The following WDR19 variants were observed in gnomAD, a reference collection of about 807,000 sequenced individuals.
The protein encoded by WDR19 is WD repeat-containing protein 19.
A neutral mutation model predicts 180.0 loss-of-function variants in WDR19; 121 were observed. That is an observed-to-expected ratio of 0.67 (90% CI 0.58 to 0.78). The LOEUF is 0.78. WDR19 is among the 30% of genes least tolerant of loss of function. The pLI, the probability that WDR19 is intolerant of heterozygous loss-of-function variation, is 0.00. For synonymous variants in WDR19, 497 were observed against 540.7 expected, an observed-to-expected ratio of 0.92 and a Z score of 1.12; for missense variants, 1,450 against 1,640.7, an observed-to-expected ratio of 0.88 and a Z score of 2.01.
chr4:39,265,770 CAA>C (rs11326526), intron 28 of WDR19, among the ~76,000 whole-genome samples: 306 of 81,070 alleles, frequency 3.8e-3, no homozygotes, highest in African/African-American at 0.011. Context: ...GACTCTGTCT[CAA>C]AAAAAAAAAA....
At chr4:39,259,983 T>G (rs1734127781) in intron 28 of WDR19, among the ~76,000 whole-genome samples, 1 of 152,202 alleles carries the variant, frequency 6.6e-6, no homozygotes. Flanking sequence ...ACAAGGCTCA[T>G]GTATTACATT....
At chr4:39,242,583 G>A (rs1390977131) in intron 21 of WDR19, among the ~76,000 whole-genome samples, 4 of 152,176 alleles carry the variant, frequency 2.6e-5, no homozygotes, top group African/African-American at 4.8e-5. Flanking sequence ...AGCACTTTGG[G>A]AGGCCAAGGT....
intron 17 of WDR19, among the ~76,000 whole-genome samples, chr4:39,229,269 G>A (rs1363699704): frequency 2.0e-5 from 3 of 152,126 alleles, no homozygotes; most frequent in Admixed American, 1.3e-4. Flanking sequence ...GTAAACATAT[G>A]AGTGCAGGTG....
rs917792061 is a variant in WDR19 at position 39,280,244 on chromosome 4, G to A, written c.*13+1581G>A. Reference sequence around the variant, plus strand: ...CCCAAAGTGCTGGGACTACAGGCATGAGCCACCATGCTCAGCCTTGGTAGC... The same window carrying A: ...CCCAAAGTGCTGGGACTACAGGCATAAGCCACCATGCTCAGCCTTGGTAGC... On this transcript the variant is annotated intron_variant, in intron 36 of 36. Coordinates refer to ENST00000399820, the MANE Select transcript of WDR19 (RefSeq NM_025132.4). 4.0e-5 allele frequency among the ~76,000 whole-genome samples: 6 copies of A among 149,968 alleles called. No individual in the cohort carries two copies. The Admixed American group carries it at 4.0e-4, about 10-fold the overall frequency.
intron 21 of WDR19, among the ~76,000 whole-genome samples, chr4:39,243,434 A>G (rs1304526662): frequency 2.0e-5 from 3 of 152,024 alleles, no homozygotes; most frequent in Non-Finnish European, 4.4e-5. Context: ...TTATTGGCCA[A>G]TTGTATTTTG....
In WDR19 at chr4:39,194,549, A is replaced by T; in HGVS notation, c.296A>T (p.Gln99Leu). Residue 99 changes from glutamine (Q) to leucine (L), a missense_variant, in exon 5 of 37, where the codon CAA becomes CTA. Transcript: ENST00000399820. ...TSQLDNGMRD[Q>L]MSFLLWSKVG... ...TTTATATCTTAATGTTACAGGGATC[A>T]AATGTCTTTCCTTCTTTGGTCAAAA... The T allele has an allele frequency of 6.2e-7, 1 of 1,608,106 alleles. No homozygotes were observed. Among genetic ancestry groups the T allele is most frequent in the Non-Finnish European group, 8.5e-7 (1 of 1,175,672 alleles).
chr4:39,284,330 A>ATT (rs1736913822), intron 36 of WDR19, among the ~76,000 whole-genome samples: 1 of 122,548 alleles, frequency 8.2e-6, no homozygotes, highest in Non-Finnish European at 1.7e-5. Flanking sequence ...AAGTAAAAAA[A>ATT]ATTTTTTTTT....
Position 39,253,906 on chromosome 4 carries a change from G to T in WDR19, c.2877G>T (p.Arg959Ser), listed in dbSNP as rs747806533. 1.3e-6 allele frequency: 2 copies of T among 1,593,870 alleles called. No individual in the cohort carries two copies. The highest frequency in any genetic ancestry group is 1.2e-5 in the South Asian group (1 of 86,748). Reference protein sequence around the residue: ...QSLDGAKMVARFFLQLGDYGS... With the variant: ...QSLDGAKMVASFFLQLGDYGS... ...AGCTAATTAAAGTACTTTGCTTTAG[G>T]TTTTTTCTACAGCTTGGTGACTATG... is the stretch of plus-strand genomic sequence containing the variant. The change falls in exon 26 of 37, where the codon AGG (arginine) becomes AGT (serine). Residue 959 changes from arginine to serine, a missense_variant and splice_region_variant. By Grantham distance (110) the Arg-to-Ser change is moderately radical. Transcript: ENST00000399820.
At chr4:39,187,206 G>T (rs1461904394) in intron 3 of WDR19, among the ~76,000 whole-genome samples, 1 of 152,082 alleles carries the variant, frequency 6.6e-6, no homozygotes, top group East Asian at 1.9e-4. Context: ...GGATCATGAG[G>T]TCAGGAGATG....
intron 3 of WDR19, among the ~76,000 whole-genome samples, chr4:39,188,916 AT>A (rs779658577): frequency 6.8e-6 from 1 of 147,434 alleles, no homozygotes; most frequent in Non-Finnish European, 1.5e-5. Context: ...CGCCCAGCTC[AT>A]TTTTTTTTCT....
At position 39,228,662 on chromosome 4, in the gene WDR19, A is replaced by G. The variant is rs779213986; in HGVS notation, c.1954A>G (p.Met652Val). 7 of 1,603,088 alleles carry G rather than the reference A, an allele frequency of 4.4e-6. No homozygotes were observed. Among genetic ancestry groups the G allele is most frequent in the African/African-American group, 1.3e-5 (1 of 74,628 alleles). ...TACGGGGCCTGACGAACTGAGACCA[A>G]TGCTGGCACAGAATTTAATGCTAAA... The part of the protein sequence containing the change: ...KDTGPDELRP[M>V]LAQNLMLKRF... Residue 652 changes from methionine to valine, a missense_variant, in exon 17 of 37, where the codon ATG becomes GTG. Coordinates refer to ENST00000399820, the MANE Select transcript of WDR19 (RefSeq NM_025132.4).
chr4:39,222,984 T>G (rs1275398748), intron 14 of WDR19, among the ~76,000 whole-genome samples: 1 of 152,210 alleles, frequency 6.6e-6, no homozygotes, highest in Non-Finnish European at 1.5e-5. Context: ...ATTTTGAGAT[T>G]GGCTTTTTTT....
intron 3 of WDR19, 117 bp downstream of exon 3, chr4:39,186,721 G>T: frequency 1.4e-6 from 1 of 695,612 alleles, no homozygotes; most frequent in South Asian, 2.4e-5. Context: ...ATTTGCAAAG[G>T]GATTTGTTTT....
intron 3 of WDR19, among the ~76,000 whole-genome samples, chr4:39,189,215 C>T (rs541355988): frequency 1.3e-5 from 2 of 152,256 alleles, no homozygotes; most frequent in Admixed American, 6.5e-5. Context: ...TAAGCCACTG[C>T]GCCCAGCCAC....
At chr4:39,277,939 A>G (rs1470649127) in intron 34 of WDR19, among the ~76,000 whole-genome samples, 192 bp from the exon 35 acceptor site, 1 of 152,078 alleles carries the variant, frequency 6.6e-6, no homozygotes, top group East Asian at 1.9e-4. Context: ...CTGTAGTCCC[A>G]GGTGCTCAGG....
At position 39,276,913 on chromosome 4, in the gene WDR19, G is replaced by A; in HGVS notation, c.3717-107G>A. 3.6e-6 allele frequency: 5 copies of A among 1,375,254 alleles called. 1 individual carries two copies. Among genetic ancestry groups the A allele is most frequent in the Middle Eastern group, 1.8e-4 (1 of 5,496 alleles). 85.2% of individuals were successfully genotyped at this position (1,375,254 alleles called of 1,614,324 possible). A position where few individuals can be genotyped will look rare whatever the true frequency, so the allele number is the denominator to read the frequency against. On this transcript the variant is annotated intron_variant, in intron 33 of 36. Transcript: ENST00000399820. ...CTCTCTAAGCCCAGAGTCTGACTATGAAGTAGGTGTGTCATATGTCCCTGG... is the reference window on the plus strand; with the variant it reads ...CTCTCTAAGCCCAGAGTCTGACTATAAAGTAGGTGTGTCATATGTCCCTGG...
rs369657594 is a variant in WDR19 at position 39,205,688 on chromosome 4, T to C, written c.842T>C (p.Ile281Thr). 192 of 1,610,882 alleles carry C rather than the reference T, an allele frequency of 1.2e-4. 1 individual carries two copies. Among genetic ancestry groups the C allele is most frequent in the Non-Finnish European group, 1.5e-4 (175 of 1,178,318 alleles). The change falls in exon 9 of 37, where the codon ATT becomes ACT. Residue 281 changes from isoleucine (I) to threonine (T), a missense_variant. Transcript: ENST00000399820. ...AACCATAAAGATAATCTAACCAGCA[T>C]TGCAGTATCACAGACTCTTAACAAA... is the stretch of plus-strand genomic sequence containing the variant. ...ARNHKDNLTS[I>T]AVSQTLNKVA...
chr4:39,271,773 T>A (rs1176245033), intron 31 of WDR19, among the ~76,000 whole-genome samples: 1 of 152,188 alleles, frequency 6.6e-6, no homozygotes, highest in African/African-American at 2.4e-5. Context: ...ATGAATGATT[T>A]ACATCCTAAT....
chr4:39,217,200 A>G lies in WDR19; in HGVS notation c.1316A>G (p.Tyr439Cys). 7 of 1,607,690 alleles carry G rather than the reference A, an allele frequency of 4.4e-6. No homozygotes were observed. The highest frequency in any genetic ancestry group is 5.9e-6 in the Non-Finnish European group (7 of 1,177,110). Residue 439 changes from tyrosine (Y) to cysteine (C), a missense_variant, in exon 13 of 37, where the codon TAT (tyrosine) becomes TGT (cysteine). Transcript: ENST00000399820. Reference protein sequence around the residue: ...TVASICLHSDYAAALFEGKVQ... With the variant: ...TVASICLHSDCAAALFEGKVQ... ...GCCAGTATTTGCCTTCATTCTGACT[A>G]TGCTGCTGCACTTTTTGAAGGCAAA... is the stretch of plus-strand genomic sequence containing the variant.
Sources: allele counts gnomAD v4.1 joint callset (sites outside exome capture counted in the v4.1 genomes callset), GRCh38; gene constraint gnomAD v4.1.1; transcripts MANE v1.5; gene names NCBI Gene and HGNC (gene_info 2026-07-23, HGNC 2026-07-21).